Variants in CFAP69 observed in about 807,000 individuals in gnomAD.
CFAP69 encodes cilia- and flagella-associated protein 69.
A neutral mutation model predicts 123.0 loss-of-function variants in CFAP69; 92 were observed. The ratio of observed to expected loss-of-function variants is 0.75; its 90% CI spans 0.63 to 0.89. CFAP69 has a LOEUF of 0.89. Among genes scored for constraint, CFAP69 ranks in the 40% least tolerant of loss-of-function variants. CFAP69 has a pLI of 0.00. For missense variants in CFAP69, 1,067 were observed against 1,096.9 expected (o/e 0.97, Z 0.39); for synonymous variants, 380 against 364.3 (o/e 1.04, Z -0.49).
intron 22 of CFAP69, 53 bp from the exon 23 acceptor site, chr7:90,310,015 T>G (rs1216512341): frequency 8.3e-6 from 12 of 1,451,028 alleles, no homozygotes; most frequent in Non-Finnish European, 1.1e-5. Flanking sequence ...AGTTTTTCTC[T>G]TGTTGAAAAT....
chr7:90,279,304 CA>C (rs1562881937), intron 11 of CFAP69, among the ~76,000 whole-genome samples: 1 of 151,918 alleles, frequency 6.6e-6, no homozygotes, highest in Non-Finnish European at 1.5e-5. Flanking sequence ...GCACTTGCCC[CA>C]AAATATTCTA....
At chr7:90,261,636 A>G (rs1414398971) in intron 3 of CFAP69, among the ~76,000 whole-genome samples, 1 of 152,162 alleles carries the variant, frequency 6.6e-6, no homozygotes, top group Non-Finnish European at 1.5e-5. Context: ...TCAATGTGCT[A>G]TTACTCATTG....
At position 90,245,448 on chromosome 7, in the gene CFAP69, G is replaced by T. The variant is rs149099697; in HGVS notation, c.24G>T (p.Ala8=). The change falls in exon 1 of 23, where the codon GCG becomes GCT. Residue 8 remains alanine, a synonymous_variant. Coordinates refer to ENST00000389297, the MANE Select transcript of CFAP69 (RefSeq NM_001039706.3). MWTEEAG[A]TAEAQESGIR... The stretch of plus-strand genomic sequence containing the variant: ...CCATGTGGACAGAGGAAGCCGGGGC[G>T]ACCGCCGAGGCCCAGGAATCCGGCA... 2,263 of 1,557,814 alleles carry T rather than the reference G, an allele frequency of 1.5e-3. 24 individuals are homozygous for T. In the African/African-American group the frequency reaches 0.021, roughly 15 times the overall value.
chr7:90,276,012 C>G (rs1452020521), intron 9 of CFAP69: 2 of 152,182 alleles, frequency 1.3e-5, no homozygotes, highest in African/African-American at 2.4e-5. Context: ...TTTTATTTGT[C>G]ACCAGCAGGA....
chr7:90,319,628 T>C, the CFAP69 span: 1 of 398,618 alleles, frequency 2.5e-6, no homozygotes. Flanking sequence ...ATGTCTTTGG[T>C]GATTCCTGGG....
chr7:90,293,846 CT>C (rs1246255607), intron 15 of CFAP69, among the ~76,000 whole-genome samples: 8 of 152,136 alleles, frequency 5.3e-5, no homozygotes, highest in African/African-American at 1.9e-4. Flanking sequence ...CAGGCCTTAC[CT>C]AGCCATAAAG....
At chr7:90,275,123 T>G (rs1418557797) in intron 9 of CFAP69, among the ~76,000 whole-genome samples, 4 of 152,216 alleles carry the variant, frequency 2.6e-5, no homozygotes, top group East Asian at 3.8e-4. Context: ...TCTCATCCAG[T>G]GCATTTTTAC....
At chr7:90,304,407 GT>G (rs797010901) in intron 18 of CFAP69, 1,624 of 982,558 alleles carry the variant, frequency 1.7e-3, no homozygotes, top group East Asian at 4.7e-3. Flanking sequence ...AGTCACTTGA[GT>G]TTTTTTTTTT....
At chr7:90,274,563 G>A (rs1223663242) in intron 9 of CFAP69, among the ~76,000 whole-genome samples, 1 of 152,038 alleles carries the variant, frequency 6.6e-6, no homozygotes, top group African/African-American at 2.4e-5. Context: ...TTTTTGTTTA[G>A]CATTTCAAAG....
At chr7:90,320,413 T>C in the CFAP69 span, 15 of 151,916 alleles carry the variant, frequency 9.9e-5, no homozygotes, top group Admixed American at 9.8e-4. Context: ...AAAACAAAGG[T>C]GATATAAGGT....
intron 1 of CFAP69, among the ~76,000 whole-genome samples, chr7:90,246,348 G>T (rs755467204): frequency 3.9e-5 from 6 of 152,176 alleles, no homozygotes; most frequent in Non-Finnish European, 7.3e-5. Flanking sequence ...AATTCCTGGA[G>T]GAACCCTGTC....
Position 90,283,063 on chromosome 7 carries a change from T to C in CFAP69, c.1537+7T>C. 2 of 1,519,588 alleles carry C rather than the reference T, an allele frequency of 1.3e-6. No homozygotes were observed. Among genetic ancestry groups the C allele is most frequent in the Non-Finnish European group, 1.8e-6 (2 of 1,134,064 alleles). 94.1% of individuals were successfully genotyped at this position (1,519,588 alleles called of 1,614,324 possible). A position where few individuals can be genotyped will look rare whatever the true frequency, so the allele number is the denominator to read the frequency against. On this transcript the variant is annotated splice_region_variant and intron_variant, in intron 13 of 22. Transcript: ENST00000389297. ...ACAATTCAGCAAATGATAGGTAAAA[T>C]ATAACATGGTGGTTTACTGATGAAA...
At chr7:90,301,806 T>A in intron 17 of CFAP69, 1 of 152,208 alleles carries the variant, frequency 6.6e-6, no homozygotes. Flanking sequence ...TGTGTCTTTA[T>A]GATAGAATGG....
intron 1 of CFAP69, among the ~76,000 whole-genome samples, chr7:90,253,468 G>A (rs1031848346): frequency 5.3e-5 from 8 of 152,164 alleles, no homozygotes; most frequent in African/African-American, 1.9e-4. Flanking sequence ...TCGAATCACT[G>A]CAACCTCCAC....
intron 19 of CFAP69, among the ~76,000 whole-genome samples, chr7:90,306,432 A>ACT (rs758727943): frequency 2.6e-5 from 4 of 152,156 alleles, no homozygotes; most frequent in Non-Finnish European, 5.9e-5. Flanking sequence ...CTTAGCTAGA[A>ACT]AGTGAGGGGC....
At chr7:90,288,024 C>T (rs936828078) in intron 14 of CFAP69, among the ~76,000 whole-genome samples, 3 of 151,892 alleles carry the variant, frequency 2.0e-5, no homozygotes, top group Non-Finnish European at 4.4e-5. Flanking sequence ...TTGATGCCCC[C>T]TCTTAAAATG....
chr7:90,276,964 G>A (rs1788703599), intron 9 of CFAP69, 109 bp from the exon 10 acceptor site: 3 of 738,888 alleles, frequency 4.1e-6, no homozygotes, highest in Non-Finnish European at 6.1e-6. Flanking sequence ...TCAAATGAAT[G>A]ACAGTAGGAG....
chr7:90,256,392 A>G (rs1478917970), intron 2 of CFAP69, among the ~76,000 whole-genome samples: 1 of 152,082 alleles, frequency 6.6e-6, no homozygotes, highest in Non-Finnish European at 1.5e-5. Context: ...ATGGGGGACT[A>G]TGGGAAGGAT....
intron 19 of CFAP69, 27 bp downstream of exon 19, chr7:90,304,847 AT>A: frequency 7.5e-7 from 1 of 1,327,522 alleles, no homozygotes; most frequent in Non-Finnish European, 1.1e-6. Context: ...TAACCTGATT[AT>A]TAAAATCTAG....
Sources: gnomAD v4.1 joint callset for allele counts (sites outside exome capture counted in the v4.1 genomes callset) on GRCh38, gnomAD v4.1.1 for gene constraint, MANE v1.5 for transcripts, NCBI Gene and HGNC (gene_info 2026-07-23, HGNC 2026-07-21) for gene names.